EFHC2: variants seen among roughly 807,000 people sequenced by gnomAD.
EFHC2 encodes the protein EF-hand domain containing 2.
Under a neutral mutation model 52.7 loss-of-function variants are expected in EFHC2, and 18 were observed. That is an observed-to-expected ratio of 0.34 (90% CI 0.24 to 0.51). The LOEUF is 0.51. Ranked by LOEUF, EFHC2 falls within the 20% of genes least tolerant of loss-of-function variation. EFHC2 has a pLI of 0.97. For synonymous variants in EFHC2, 203 were observed against 204.1 expected (o/e 0.99, Z 0.04); for missense variants, 513 against 562.5 (o/e 0.91, Z 0.89).
At chrX:44,150,435 A>G (rs2036561398) in intron 14 of EFHC2, among the ~76,000 whole-genome samples, 1 of 111,590 alleles carries the variant, frequency 9.0e-6, no homozygotes, top group African/African-American at 3.3e-5. Context: ...AAGTGGCAAG[A>G]GAGATGGTTA....
chrX:44,339,096 C>A (rs1012533657), intron 1 of EFHC2, among the ~76,000 whole-genome samples: 3 of 109,777 alleles, frequency 2.7e-5, no homozygotes, highest in Non-Finnish European at 5.7e-5. Context: ...GAGGCTGAGG[C>A]AGGAGAATCG....
At chrX:44,199,930 T>G (rs1237246388) in intron 11 of EFHC2, among the ~76,000 whole-genome samples, 1 of 112,063 alleles carries the variant, frequency 8.9e-6, no homozygotes. Context: ...AAAGAAAGGT[T>G]GAGGAACTGT....
intron 11 of EFHC2, among the ~76,000 whole-genome samples, chrX:44,229,402 A>C (rs1226228202): frequency 8.9e-6 from 1 of 111,830 alleles, no homozygotes; most frequent in East Asian, 2.8e-4. Flanking sequence ...GATTCATAAG[A>C]CAATGTGACC....
chrX:44,272,867 T>C lies in EFHC2; in HGVS notation c.232-31A>G, dbSNP rs367987279. 1.0e-4 allele frequency: 110 copies of C among 1,104,339 alleles called. No homozygotes were observed. The South Asian group carries it at 1.7e-3, about 17-fold the overall frequency. The allele number at this position is 1,104,339 out of a possible 1,213,427, so 91.0% of individuals were successfully genotyped here. A position where few individuals can be genotyped will look rare whatever the true frequency, so the allele number is the denominator to read the frequency against. On this transcript the variant is annotated intron_variant, in intron 2 of 14. Transcript: ENST00000420999. ...GGAATAATAATTAGAAACTAAGAAA[T>C]GAAAAGAAAATTCAGCAAACTTAAA...
chrX:44,256,349 G>A (rs913651608), intron 4 of EFHC2, among the ~76,000 whole-genome samples: 2 of 111,449 alleles, frequency 1.8e-5, no homozygotes, highest in Non-Finnish European at 3.8e-5. Context: ...AAAGAATCCA[G>A]GAGGTGGTTT....
At chrX:44,232,441 G>A in intron 10 of EFHC2, 40 bp downstream of exon 10, 1 of 987,434 alleles carries the variant, frequency 1.0e-6, no homozygotes, top group Non-Finnish European at 1.3e-6. Flanking sequence ...GACTGCGGAG[G>A]GCTGAGAGGC....
intron 4 of EFHC2, among the ~76,000 whole-genome samples, 179 bp from the exon 5 acceptor site, chrX:44,250,624 A>AGAC (rs767212792): frequency 2.8e-5 from 3 of 107,400 alleles, no homozygotes; most frequent in Non-Finnish European, 5.8e-5. Flanking sequence ...CAGGAGTTCA[A>AGAC]GACCAGCCTG....
chrX:44,268,388 T>C (rs1431825571), intron 3 of EFHC2, among the ~76,000 whole-genome samples: 1 of 111,775 alleles, frequency 8.9e-6, no homozygotes, highest in Non-Finnish European at 1.9e-5. Context: ...ACATTTCATA[T>C]TTCTTCTTGG....
chrX:44,173,566 T>G (rs1157388603), intron 13 of EFHC2, among the ~76,000 whole-genome samples: 2 of 111,174 alleles, frequency 1.8e-5, no homozygotes, highest in Non-Finnish European at 3.8e-5. Context: ...GAGAGGGGAA[T>G]GGGAATGAGA....
chrX:44,333,740 C>T (rs751584839), intron 1 of EFHC2, among the ~76,000 whole-genome samples: 121 of 110,772 alleles, frequency 1.1e-3, no homozygotes, highest in African/African-American at 3.9e-3. Flanking sequence ...AATTTCCCAG[C>T]ATTCCTTGTA....
intron 10 of EFHC2, 49 bp downstream of exon 10, chrX:44,232,432 A>G: frequency 1.0e-6 from 1 of 957,582 alleles, no homozygotes; most frequent in African/African-American, 2.0e-5. Flanking sequence ...AAAAACACAG[A>G]CTGCGGAGGG....
rs1300963591 is a variant in EFHC2 at position 44,248,512 on chromosome X, C to T, written c.973-102G>A. ...AGGAAATTAAAAATAAAACTTCAATCTTTAATAACTAAATTTTAAAAATCA... is the reference window on the plus strand; with the variant it reads ...AGGAAATTAAAAATAAAACTTCAATTTTTAATAACTAAATTTTAAAAATCA... On this transcript the variant is annotated intron_variant, in intron 6 of 14. Transcript: ENST00000420999. 3 of 922,944 alleles carry T rather than the reference C, an allele frequency of 3.3e-6. No individual in the cohort carries two copies. The African/African-American group carries it at 6.1e-5, about 19-fold the overall frequency. 76.1% of individuals were successfully genotyped at this position (922,944 alleles called of 1,213,427 possible).
chrX:44,196,187 G>A (rs1296296271), intron 11 of EFHC2, among the ~76,000 whole-genome samples: 2 of 111,971 alleles, frequency 1.8e-5, no homozygotes, highest in African/African-American at 6.5e-5. Context: ...ACAGTGCTGA[G>A]ACTACAGGCA....
intron 3 of EFHC2, among the ~76,000 whole-genome samples, chrX:44,264,545 A>C (rs1422727591): frequency 8.9e-6 from 1 of 112,059 alleles, no homozygotes; most frequent in Non-Finnish European, 1.9e-5. Context: ...TCTTGGTGAC[A>C]AAAAAGAATC....
chrX:44,343,520 G>A (rs754828201), intron 1 of EFHC2, 27 bp downstream of exon 1: 3 of 1,185,065 alleles, frequency 2.5e-6, no homozygotes, highest in South Asian at 1.9e-5. Flanking sequence ...GCCGGGAGCT[G>A]TGACCTCGGA....
At chrX:44,305,946 C>T (rs139729660) in intron 2 of EFHC2, among the ~76,000 whole-genome samples, 135 of 111,591 alleles carry the variant, frequency 1.2e-3, no homozygotes, top group African/African-American at 4.2e-3. Flanking sequence ...TCATACAACC[C>T]GAGCATGCCC....
intron 7 of EFHC2, among the ~76,000 whole-genome samples, chrX:44,243,336 T>C (rs1169890224): frequency 8.9e-6 from 1 of 112,391 alleles, no homozygotes; most frequent in Non-Finnish European, 1.9e-5. Flanking sequence ...GTGTTTTCAA[T>C]CCTGTATGAA....
At chrX:44,156,260 C>T (rs1477318294) in intron 14 of EFHC2, among the ~76,000 whole-genome samples, 2 of 111,991 alleles carry the variant, frequency 1.8e-5, no homozygotes, top group Admixed American at 1.9e-4. Context: ...TATGTGTTTG[C>T]CAGTTATTTT....
At chrX:44,254,950 G>C (rs1753771882) in intron 4 of EFHC2, among the ~76,000 whole-genome samples, 1 of 111,986 alleles carries the variant, frequency 8.9e-6, no homozygotes, top group Admixed American at 9.4e-5. Context: ...CAAGCCACAA[G>C]AGAGTGGGGG....
Sources: allele counts gnomAD v4.1 joint callset (sites outside exome capture counted in the v4.1 genomes callset), GRCh38; gene constraint gnomAD v4.1.1; transcripts MANE v1.5; gene names NCBI Gene and HGNC (gene_info 2026-07-23, HGNC 2026-07-21).